The following KIF4B variants were observed in gnomAD, a reference collection of about 807,000 sequenced individuals.
KIF4B encodes the protein kinesin family member 4B, also known as chromosome-associated kinesin KIF4B.
KIF4B carries 60 observed loss-of-function variants against 69.0 expected under a neutral mutation model. The observed-to-expected ratio is 0.87, with a 90% CI of 0.71 to 1.08. The LOEUF (loss-of-function observed/expected upper bound fraction) is 1.08. KIF4B is among the 50% of genes least tolerant of loss of function. KIF4B has a pLI of 0.00. For synonymous variants in KIF4B, 489 were observed against 533.0 expected (o/e 0.92, Z 1.14); for missense variants, 1,357 against 1,451.9 (o/e 0.93, Z 1.06).
chr5:155,015,898 G>T lies in KIF4B; in HGVS notation c.2039G>T (p.Arg680Leu). 1 of 1,613,982 alleles carries T rather than the reference G, an allele frequency of 6.2e-7. No individual in the cohort carries two copies. The highest frequency in any genetic ancestry group is 8.5e-7 in the Non-Finnish European group (1 of 1,180,004). Reference protein sequence around the residue: ...KEVIQLKERDRKRQYELLKLE... With the variant: ...KEVIQLKERDLKRQYELLKLE... The stretch of plus-strand genomic sequence containing the variant: ...GTAATACAGTTGAAAGAACGAGACC[G>T]TAAGAGGCAATATGAGCTGCTCAAA... Residue 680 changes from arginine to leucine, a missense_variant, in exon 1 of 1, where the codon CGT becomes CTT. Coordinates refer to ENST00000435029, the MANE Select transcript of KIF4B (RefSeq NM_001099293.3).
At position 155,013,803 on chromosome 5, in the gene KIF4B, A is replaced by G. The variant is rs1582711529; in HGVS notation, c.-57A>G. On this transcript the variant is annotated 5_prime_UTR_variant, in exon 1 of 1. Transcript: ENST00000435029. ...GCTCCGGCTGGGACAGGGCGGCGGG[A>G]GACCCCGGGTGAACGGGGAAGGGAC... 1.3e-6 allele frequency: 2 copies of G among 1,597,130 alleles called. No homozygotes were observed. Among genetic ancestry groups the G allele is most frequent in the Non-Finnish European group, 8.5e-7 (1 of 1,170,100 alleles).
chr5:155,017,465 C>T lies in KIF4B; in HGVS notation c.3606C>T (p.Tyr1202=). Residue 1202 remains tyrosine (Y), a synonymous_variant, in exon 1 of 1, where the codon TAC becomes TAT. Coordinates refer to ENST00000435029, the MANE Select transcript of KIF4B (RefSeq NM_001099293.3). ...LPESKHGATE[Y]QQNKPPGKKK... ...AGTCGAAACATGGAGCAACAGAATACCAACAAAATAAGCCTCCAGGGAAGA... is the reference window on the plus strand; with the variant it reads ...AGTCGAAACATGGAGCAACAGAATATCAACAAAATAAGCCTCCAGGGAAGA... The T allele has an allele frequency of 6.2e-7, 1 of 1,614,114 alleles. No individual in the cohort carries two copies. The highest frequency in any genetic ancestry group is 8.5e-7 in the Non-Finnish European group (1 of 1,180,020).
In KIF4B at chr5:155,014,210, G is replaced by A. The variant is rs1765283029; in HGVS notation, c.351G>A (p.Arg117=). Residue 117 remains arginine, a synonymous_variant, in exon 1 of 1, where the codon AGG becomes AGA. Transcript: ENST00000435029. ...AACCAACAGTTGGCATTATTCCTAG[G>A]GTAATACAACTGCTCTTCAAAGAAA... ...ENEPTVGIIP[R]VIQLLFKEID... 1 of 1,614,200 alleles carries A rather than the reference G, an allele frequency of 6.2e-7. No individual in the cohort carries two copies.
Position 155,015,512 on chromosome 5 carries a change from G to C in KIF4B, c.1653G>C (p.Gln551His). The C allele has an allele frequency of 6.2e-7, 1 of 1,614,160 alleles. No homozygotes were observed. Residue 551 changes from glutamine to histidine, a missense_variant, in exon 1 of 1, where the codon CAG becomes CAC. Transcript: ENST00000435029. ...TGACTCAGAACGACAACCAACTACAGCCCATTCAGTTTCAATACCAGGATA... is the reference window on the plus strand; with the variant it reads ...TGACTCAGAACGACAACCAACTACACCCCATTCAGTTTCAATACCAGGATA... Reference protein sequence around the residue: ...RKMTQNDNQLQPIQFQYQDNI... With the variant: ...RKMTQNDNQLHPIQFQYQDNI...
In KIF4B at chr5:155,016,368, C is replaced by A. The variant is rs758942033; in HGVS notation, c.2509C>A (p.Leu837Ile). The A allele has an allele frequency of 6.2e-7, 1 of 1,612,964 alleles. No homozygotes were observed. Residue 837 changes from leucine (L) to isoleucine (I), a missense_variant, in exon 1 of 1, where the codon CTA (leucine) becomes ATA (isoleucine). Physicochemically the swap from Leu to Ile is conservative, Grantham distance 5. Coordinates refer to ENST00000435029, the MANE Select transcript of KIF4B (RefSeq NM_001099293.3). Reference sequence around the variant, plus strand: ...ACTCAGGAGTGCTCAGATTGCTGACCTACAGCAGAAGCTGCTGGATGCAGA... The same window carrying A: ...ACTCAGGAGTGCTCAGATTGCTGACATACAGCAGAAGCTGCTGGATGCAGA... ...MELRSAQIAD[L>I]QQKLLDAESE...
In KIF4B at chr5:155,015,753, A is replaced by G; in HGVS notation, c.1894A>G (p.Thr632Ala). The G allele has an allele frequency of 1.1e-5, 17 of 1,614,242 alleles. No individual in the cohort carries two copies. The highest frequency in any genetic ancestry group is 1.4e-5 in the Non-Finnish European group (17 of 1,180,046). ...GAAACTAAAGGAATCCACAGAGCGT[A>G]CTGTCTCCAAGCTGAACCAAGAGAT... ...LLKLKESTER[T>A]VSKLNQEIWM... Residue 632 changes from threonine to alanine, a missense_variant, in exon 1 of 1, where the codon ACT (threonine) becomes GCT (alanine). Transcript: ENST00000435029.
At position 155,013,968 on chromosome 5, in the gene KIF4B, G is replaced by T. The variant is rs777601786; in HGVS notation, c.109G>T (p.Gly37Trp). ...GCQMCLSFVP[G>W]ETQVVVGTDK... ...CCAGATGTGCCTTTCCTTCGTGCCC[G>T]GGGAGACTCAGGTGGTGGTTGGTAC... The change falls in exon 1 of 1, where the codon GGG (glycine) becomes TGG (tryptophan). Residue 37 changes from glycine (G) to tryptophan (W), a missense_variant. Coordinates refer to ENST00000435029, the MANE Select transcript of KIF4B (RefSeq NM_001099293.3). The T allele has an allele frequency of 6.2e-7, 1 of 1,614,222 alleles. No individual in the cohort carries two copies. The highest frequency in any genetic ancestry group is 8.5e-7 in the Non-Finnish European group (1 of 1,180,046).
chr5:155,013,821 G>C lies in KIF4B; in HGVS notation c.-39G>C, dbSNP rs779031812. The C allele has an allele frequency of 2.5e-6, 4 of 1,607,954 alleles. No homozygotes were observed. Among genetic ancestry groups the C allele is most frequent in the Non-Finnish European group, 3.4e-6 (4 of 1,176,464 alleles). On this transcript the variant is annotated 5_prime_UTR_variant, in exon 1 of 1. Transcript: ENST00000435029. ...CGGCGGGAGACCCCGGGTGAACGGGGAAGGGACATTTAGTTTGAGACGGTG... is the reference window on the plus strand; with the variant it reads ...CGGCGGGAGACCCCGGGTGAACGGGCAAGGGACATTTAGTTTGAGACGGTG...
At position 155,016,389 on chromosome 5, in the gene KIF4B, G is replaced by A; in HGVS notation, c.2530G>A (p.Ala844Thr). Residue 844 changes from alanine (A) to threonine (T), a missense_variant, in exon 1 of 1, where the codon GCA (alanine) becomes ACA (threonine). Ala to Thr is a moderately conservative substitution (Grantham distance 58). Coordinates refer to ENST00000435029, the MANE Select transcript of KIF4B (RefSeq NM_001099293.3). The part of the protein sequence containing the change: ...IADLQQKLLD[A>T]ESEDRPKQCW... ...TGACCTACAGCAGAAGCTGCTGGAT[G>A]CAGAAAGTGAAGATAGGCCAAAACA... The A allele has an allele frequency of 6.2e-7, 1 of 1,614,202 alleles. No individual in the cohort carries two copies. The highest frequency in any genetic ancestry group is 8.5e-7 in the Non-Finnish European group (1 of 1,180,046).
In KIF4B at chr5:155,016,236, C is replaced by T; in HGVS notation, c.2377C>T (p.Pro793Ser). The T allele has an allele frequency of 2.5e-6, 4 of 1,614,128 alleles. No individual in the cohort carries two copies. The highest frequency in any genetic ancestry group is 2.2e-5 in the East Asian group (1 of 44,880). The change falls in exon 1 of 1, where the codon CCT (proline) becomes TCT (serine). Residue 793 changes from proline to serine, a missense_variant. Coordinates refer to ENST00000435029, the MANE Select transcript of KIF4B (RefSeq NM_001099293.3). Reference protein sequence around the residue: ...EKKESRENPPPKLRKCTFSLS... With the variant: ...EKKESRENPPSKLRKCTFSLS... Reference sequence around the variant, plus strand: ...AAAGGAATCTCGGGAGAATCCACCTCCTAAACTCCGGAAGTGTACATTCTC... The same window carrying T: ...AAAGGAATCTCGGGAGAATCCACCTTCTAAACTCCGGAAGTGTACATTCTC...
In KIF4B at chr5:155,016,998, T is replaced by C. The variant is rs1329217209; in HGVS notation, c.3139T>C (p.Cys1047Arg). The C allele has an allele frequency of 1.2e-6, 2 of 1,614,160 alleles. No homozygotes were observed. The highest frequency in any genetic ancestry group is 4.5e-5 in the East Asian group (2 of 44,880). Residue 1047 changes from cysteine (C) to arginine (R), a missense_variant, in exon 1 of 1, where the codon TGT becomes CGT. Cys to Arg is a radical substitution (Grantham distance 180, BLOSUM62 -3). Transcript: ENST00000435029. ...QSMDIEDLKY[C>R]SEHSVNEHED... ...CATGGACATCGAGGATCTAAAATAT[T>C]GTTCAGAGCATTCTGTGAATGAGCA...
rs776145758 is a variant in KIF4B, at chr5:155,016,365, GACC to G, written c.2507_2509del (p.Asp836_Leu837delinsVal). ...GGAACTCAGGAGTGCTCAGATTGCT[GACC>G]TACAGCAGAAGCTGCTGGATGCAGA... On this transcript the variant is annotated inframe_deletion, in exon 1 of 1. Transcript: ENST00000435029. 3.7e-4 allele frequency: 601 copies of G among 1,614,062 alleles called. No individual in the cohort carries two copies. The highest frequency in any genetic ancestry group is 4.7e-4 in the Non-Finnish European group (552 of 1,180,044).
Position 155,016,746 on chromosome 5 carries a change from C to T in KIF4B, c.2887C>T (p.Leu963=). ...AAAGGAACAACAGCTGGTGAGCACACTGCAGTGTCAGGATGAAGAACTTGA... is the reference window on the plus strand; with the variant it reads ...AAAGGAACAACAGCTGGTGAGCACATTGCAGTGTCAGGATGAAGAACTTGA... ...SEKEQQLVST[L]QCQDEELEKM... is the part of the protein sequence containing the mutation. The change falls in exon 1 of 1, where the codon CTG becomes TTG. Residue 963 remains leucine, a synonymous_variant. Coordinates refer to ENST00000435029, the MANE Select transcript of KIF4B (RefSeq NM_001099293.3). 3 of 1,614,160 alleles carry T rather than the reference C, an allele frequency of 1.9e-6. No individual in the cohort carries two copies. Among genetic ancestry groups the T allele is most frequent in the Non-Finnish European group, 2.5e-6 (3 of 1,180,038 alleles).
chr5:155,014,158 G>A lies in KIF4B; in HGVS notation c.299G>A (p.Gly100Asp). 6.2e-7 allele frequency: 1 copy of A among 1,614,252 alleles called. No homozygotes were observed. Among genetic ancestry groups the A allele is most frequent in the South Asian group, 1.1e-5 (1 of 91,090 alleles). ...TCTGGAAAAACCTATTCAATGGGAG[G>A]TGCATACACTGCGGAGCAGGAGAAT... ...TGSGKTYSMG[G>D]AYTAEQENEP... The change falls in exon 1 of 1, where the codon GGT becomes GAT. Residue 100 changes from glycine to aspartate, a missense_variant. Physicochemically the swap from Gly to Asp is moderately conservative, Grantham distance 94. Coordinates refer to ENST00000435029, the MANE Select transcript of KIF4B (RefSeq NM_001099293.3).
rs1309098762 is a variant in KIF4B at position 155,014,943 on chromosome 5, C to T, written c.1084C>T (p.Gln362Ter). 6.2e-7 allele frequency: 1 copy of T among 1,614,180 alleles called. No individual in the cohort carries two copies. Among genetic ancestry groups the T allele is most frequent in the East Asian group, 2.2e-5 (1 of 44,880 alleles). ...NHLKQQVQQL[Q>*]VLLLQAHGGT... ...TCTAAAGCAACAGGTACAACAGCTACAAGTCTTGTTGCTACAAGCCCATGG... is the reference window on the plus strand; with the variant it reads ...TCTAAAGCAACAGGTACAACAGCTATAAGTCTTGTTGCTACAAGCCCATGG... The change falls in exon 1 of 1, where the codon CAA becomes TAA. Residue 362 changes from glutamine to a stop codon, truncating the protein, a stop_gained. Transcript: ENST00000435029. LOFTEE classifies it high-confidence loss of function.
At position 155,017,278 on chromosome 5, in the gene KIF4B, G is replaced by T. The variant is rs183622007; in HGVS notation, c.3419G>T (p.Gly1140Val). Residue 1140 changes from glycine (G) to valine (V), a missense_variant, in exon 1 of 1, where the codon GGC becomes GTC. Gly to Val is a moderately radical substitution (Grantham distance 109). Coordinates refer to ENST00000435029, the MANE Select transcript of KIF4B (RefSeq NM_001099293.3). Reference sequence around the variant, plus strand: ...GTTGAACAGACCCAGGATTCCGAAGGCTCCTTCAAACTGGAGGATCCTACC... The same window carrying T: ...GTTGAACAGACCCAGGATTCCGAAGTCTCCTTCAAACTGGAGGATCCTACC... ...GTVEQTQDSE[G>V]SFKLEDPTEV... The T allele has an allele frequency of 1.2e-6, 2 of 1,614,038 alleles. No homozygotes were observed. Among genetic ancestry groups the T allele is most frequent in the East Asian group, 2.2e-5 (1 of 44,894 alleles).
rs1765283029 is a variant in KIF4B at position 155,014,210 on chromosome 5, G to T, written c.351G>T (p.Arg117Ser). The T allele has an allele frequency of 6.2e-7, 1 of 1,614,200 alleles. No homozygotes were observed. The change falls in exon 1 of 1, where the codon AGG (arginine) becomes AGT (serine). Residue 117 changes from arginine to serine, a missense_variant. Transcript: ENST00000435029. The stretch of plus-strand genomic sequence containing the variant: ...AACCAACAGTTGGCATTATTCCTAG[G>T]GTAATACAACTGCTCTTCAAAGAAA... ...ENEPTVGIIPRVIQLLFKEID... is the reference protein window; with the variant it reads ...ENEPTVGIIPSVIQLLFKEID...
In KIF4B at chr5:155,016,667, C is replaced by A. The variant is rs575864472; in HGVS notation, c.2808C>A (p.Ser936Arg). 6.2e-7 allele frequency: 1 copy of A among 1,614,176 alleles called. No homozygotes were observed. Among genetic ancestry groups the A allele is most frequent in the African/African-American group, 1.3e-5 (1 of 75,050 alleles). The change falls in exon 1 of 1, where the codon AGC (serine) becomes AGA (arginine). Residue 936 changes from serine to arginine, a missense_variant. Physicochemically the swap from Ser to Arg is moderately radical, Grantham distance 110. Coordinates refer to ENST00000435029, the MANE Select transcript of KIF4B (RefSeq NM_001099293.3). ...AAGAGAAGGTGCTATACCTTGTCAG[C>A]CAGCTGCAGGAAAGCCAAATGGCAG... ...QHQEKVLYLV[S>R]QLQESQMAEK...
In KIF4B at chr5:155,017,521, G is replaced by C; in HGVS notation, c.3662G>C (p.Ser1221Thr). Residue 1221 changes from serine to threonine, a missense_variant, in exon 1 of 1, where the codon AGC (serine) becomes ACC (threonine). By Grantham distance (58) the Ser-to-Thr change is moderately conservative (BLOSUM62 1). Coordinates refer to ENST00000435029, the MANE Select transcript of KIF4B (RefSeq NM_001099293.3). ...AAACGAGCTCTGGCTAGCAACACCA[G>C]CTTCTTCTCTGGCTGCTCCCCTATC... ...KKKRALASNT[S>T]FFSGCSPIEE... 6.2e-7 allele frequency: 1 copy of C among 1,613,814 alleles called. No individual in the cohort carries two copies. The highest frequency in any genetic ancestry group is 8.5e-7 in the Non-Finnish European group (1 of 1,179,988).
Sources: allele counts gnomAD v4.1 joint callset, GRCh38; gene constraint gnomAD v4.1.1; transcripts MANE v1.5; gene names NCBI Gene and HGNC (gene_info 2026-07-23, HGNC 2026-07-21).